The following KLHL20 variants were observed in gnomAD, a reference collection of about 807,000 sequenced individuals.
KLHL20 encodes the protein kelch-like protein 20.
A neutral mutation model predicts 69.5 loss-of-function variants in KLHL20; 29 were observed. That is an observed-to-expected ratio of 0.42 (90% CI 0.31 to 0.57). The LOEUF is 0.57. Among genes scored for constraint, KLHL20 ranks in the 20% least tolerant of loss-of-function variants. KLHL20 has a pLI of 0.18. For missense variants in KLHL20, 419 were observed against 776.0 expected (o/e 0.54, Z 5.47); for synonymous variants, 253 against 265.2 (o/e 0.95, Z 0.45).
At chr1:173,716,321 A>T (rs1159848427) in intron 2 of KLHL20, among the ~76,000 whole-genome samples, 3 of 152,174 alleles carry the variant, frequency 2.0e-5, no homozygotes, top group Admixed American at 2.0e-4. Context: ...TGTTTTTTAC[A>T]GTAAATAATC....
At chr1:173,752,399 T>C (rs1673355399) in intron 4 of KLHL20, among the ~76,000 whole-genome samples, 4 of 152,222 alleles carry the variant, frequency 2.6e-5, no homozygotes, top group Non-Finnish European at 5.9e-5. Flanking sequence ...AATGTGGGCT[T>C]TTTGCTCCTT....
intron 9 of KLHL20, among the ~76,000 whole-genome samples, chr1:173,775,296 T>C (rs1307621738): frequency 6.6e-6 from 1 of 152,206 alleles, no homozygotes; most frequent in African/African-American, 2.4e-5. Context: ...TTGTTAGTAC[T>C]GAATGGTGCT....
intron 3 of KLHL20, among the ~76,000 whole-genome samples, chr1:173,745,281 G>A (rs2102489813): frequency 6.8e-6 from 1 of 147,526 alleles, no homozygotes; most frequent in South Asian, 2.1e-4. Context: ...TCCTGCCTCA[G>A]CTTCCCGGGA....
At chr1:173,716,274 G>T (rs976759574) in intron 2 of KLHL20, among the ~76,000 whole-genome samples, 5 of 152,098 alleles carry the variant, frequency 3.3e-5, no homozygotes, top group Non-Finnish European at 5.9e-5. Flanking sequence ...GCTGTGGATT[G>T]TATGTAGTGC....
chr1:173,739,860 C>T (rs1372648890), intron 3 of KLHL20, among the ~76,000 whole-genome samples: 1 of 151,112 alleles, frequency 6.6e-6, no homozygotes, highest in African/African-American at 2.4e-5. Context: ...AGGCTAGTCT[C>T]GAACTCCTGA....
intron 7 of KLHL20, among the ~76,000 whole-genome samples, chr1:173,757,960 C>T (rs1673627732): frequency 6.6e-6 from 1 of 152,154 alleles, no homozygotes; most frequent in Non-Finnish European, 1.5e-5. Flanking sequence ...AACAGTGACT[C>T]TTTGTTTCCA....
chr1:173,740,245 T>TC (rs1672738478), intron 3 of KLHL20, among the ~76,000 whole-genome samples: 1 of 148,970 alleles, frequency 6.7e-6, no homozygotes, highest in Admixed American at 6.7e-5. Context: ...CCTCAGCCTC[T>TC]CCAAGTAGCT....
At chr1:173,719,075 G>A (rs1051481404) in intron 2 of KLHL20, among the ~76,000 whole-genome samples, 1 of 124,008 alleles carries the variant, frequency 8.1e-6, no homozygotes, top group East Asian at 2.6e-4. Context: ...ACTGCAATCC[G>A]GCCTGGGCTA....
chr1:173,782,327 A>C lies in KLHL20; in HGVS notation c.1745+97A>C, dbSNP rs1038985633. ...CCATCAGAACTGGGATGGTCAGTACATTGGAGTACTTTGAAGAGGGCTGAA... is the reference window on the plus strand; with the variant it reads ...CCATCAGAACTGGGATGGTCAGTACCTTGGAGTACTTTGAAGAGGGCTGAA... On this transcript the variant is annotated intron_variant, in intron 11 of 11. Coordinates refer to ENST00000209884, the MANE Select transcript of KLHL20 (RefSeq NM_014458.4). The C allele has an allele frequency of 3.6e-6, 3 of 841,962 alleles. No homozygotes were observed. In the African/African-American group the frequency reaches 5.0e-5, roughly 14 times the overall value. The allele number at this position is 841,962 out of a possible 1,614,324, so 52.2% of individuals were successfully genotyped here. A position where few individuals can be genotyped will look rare whatever the true frequency, so the allele number is the denominator to read the frequency against.
chr1:173,741,482 A>G (rs1235642919), intron 3 of KLHL20, among the ~76,000 whole-genome samples: 3 of 152,244 alleles, frequency 2.0e-5, no homozygotes, highest in Non-Finnish European at 4.4e-5. Flanking sequence ...TCTTGAAGTG[A>G]AAAAGGTCTT....
intron 8 of KLHL20, among the ~76,000 whole-genome samples, chr1:173,770,634 C>T (rs1571924763): frequency 6.7e-6 from 1 of 148,618 alleles, no homozygotes; most frequent in South Asian, 2.1e-4. Flanking sequence ...GAGCCGAGGT[C>T]GCACCATTGA....
chr1:173,763,507 C>G (rs1334750293), intron 7 of KLHL20, among the ~76,000 whole-genome samples: 1 of 152,090 alleles, frequency 6.6e-6, no homozygotes, highest in African/African-American at 2.4e-5. Flanking sequence ...CCATAGTCAC[C>G]AAAACAGTGT....
At chr1:173,779,300 A>T (rs1025300545) in intron 10 of KLHL20, among the ~76,000 whole-genome samples, 1 of 150,722 alleles carries the variant, frequency 6.6e-6, no homozygotes, top group African/African-American at 2.4e-5. Context: ...TAGTTGAAAA[A>T]TTTTATGTCG....
At chr1:173,749,836 A>G (rs1172332892) in intron 3 of KLHL20, among the ~76,000 whole-genome samples, 1 of 152,216 alleles carries the variant, frequency 6.6e-6, no homozygotes, top group Non-Finnish European at 1.5e-5. Context: ...TCACAGAGAA[A>G]AATAAGAGGA....
rs115663172 is a variant in KLHL20 at position 173,785,481 on chromosome 1, C to T, written c.*234C>T. 229 of 245,934 alleles carry T rather than the reference C, an allele frequency of 9.3e-4. No individual in the cohort carries two copies. The highest frequency in any genetic ancestry group is 4.8e-3 in the African/African-American group (213 of 44,552). 15.2% of individuals were successfully genotyped at this position (245,934 alleles called of 1,614,324 possible). The stretch of plus-strand genomic sequence containing the variant: ...ATTTATCATGGTTTTTTGTTGTTTT[C>T]GTTTTGAACTTATCCTTCCTCCCAC... On this transcript the variant is annotated 3_prime_UTR_variant, in exon 12 of 12. Transcript: ENST00000209884.
At chr1:173,768,701 C>CT (rs1200353406) in intron 8 of KLHL20, among the ~76,000 whole-genome samples, 1 of 152,176 alleles carries the variant, frequency 6.6e-6, no homozygotes, top group Non-Finnish European at 1.5e-5. Flanking sequence ...ATACTTAACA[C>CT]TACTAAACAG....
At chr1:173,780,441 G>A (rs1300507628) in intron 10 of KLHL20, among the ~76,000 whole-genome samples, 2 of 152,156 alleles carry the variant, frequency 1.3e-5, no homozygotes, top group Non-Finnish European at 2.9e-5. Context: ...TCACATGTAA[G>A]CTAGCTCATG....
At chr1:173,731,360 A>T (rs934210147) in intron 2 of KLHL20, among the ~76,000 whole-genome samples, 3 of 152,096 alleles carry the variant, frequency 2.0e-5, no homozygotes, top group Non-Finnish European at 2.9e-5. Flanking sequence ...AGCCATCCCA[A>T]TACTGGGTAT....
In KLHL20 at chr1:173,733,858, G is replaced by C. The variant is rs769467455; in HGVS notation, c.169G>C (p.Val57Leu). The C allele has an allele frequency of 1.2e-6, 2 of 1,614,146 alleles. No homozygotes were observed. The highest frequency in any genetic ancestry group is 1.1e-5 in the South Asian group (1 of 91,076). Residue 57 changes from valine to leucine, a missense_variant, in exon 3 of 12, where the codon GTG becomes CTG. By Grantham distance (32) the Val-to-Leu change is conservative (BLOSUM62 1). This residue lies in a region of KLHL20 where 129 missense variants were observed against 183.6 expected (regional missense o/e 0.70). Coordinates refer to ENST00000209884, the MANE Select transcript of KLHL20 (RefSeq NM_014458.4). ...SDKHPRQTLEVINLLRKHREL... is the reference protein window; with the variant it reads ...SDKHPRQTLELINLLRKHREL... ...CAAGCACCCTCGACAAACCTTGGAA[G>C]TGATTAACCTTCTGAGAAAGCACCG...
Sources: allele counts gnomAD v4.1 joint callset (sites outside exome capture counted in the v4.1 genomes callset), GRCh38; gene constraint gnomAD v4.1.1; regional missense constraint gnomAD v4.1.1; transcripts MANE v1.5; gene names NCBI Gene and HGNC (gene_info 2026-07-23, HGNC 2026-07-21).